PDE4D: variants seen among roughly 807,000 people sequenced by gnomAD.
PDE4D encodes the protein phosphodiesterase 4D, also known as 3',5'-cyclic-AMP phosphodiesterase 4D.
PDE4D carries 24 observed loss-of-function variants against 87.4 expected under a neutral mutation model. The ratio of observed to expected loss-of-function variants is 0.27; its 90% CI spans 0.20 to 0.39. The LOEUF is 0.39. PDE4D is among the 10% of genes least tolerant of loss of function. The pLI, the probability that PDE4D is intolerant of heterozygous loss-of-function variation, is 1.00. For missense variants in PDE4D, 714 were observed against 1,041.0 expected (o/e 0.69, Z 4.32); for synonymous variants, 384 against 383.2 (o/e 1.00, Z -0.02).
intron 2 of PDE4D, among the ~76,000 whole-genome samples, chr5:60,161,569 T>TCCCCTAGTGA (rs1303539282): frequency 1.3e-5 from 2 of 152,110 alleles, no homozygotes; most frequent in Admixed American, 6.6e-5. Flanking sequence ...AACAGTGATA[T>TCCCCTAGTGA]TCTGGATCCC....
chr5:59,471,764 T>TG (rs1802482771), intron 1 of PDE4D, among the ~76,000 whole-genome samples: 2 of 152,354 alleles, frequency 1.3e-5, no homozygotes, highest in African/African-American at 4.8e-5. Context: ...CTGTGGCCTT[T>TG]GTCTAGCAGC....
Position 59,224,122 on chromosome 5 carries a change from C to CAAAAA in PDE4D, c.456-8159_456-8155dup, listed in dbSNP as rs762239197. 2.7e-4 allele frequency among the ~76,000 whole-genome samples: 6 copies of CAAAAA among 21,840 alleles called. 1 individual carries two copies. The highest frequency in any genetic ancestry group is 7.9e-4 in the African/African-American group (6 of 7,604). The allele number at this position is 21,840 out of a possible 152,430, so 14.3% of individuals were successfully genotyped here. ...GCAACATGATGAAACCCTGTTTCTA[C>CAAAAA]AAAAAAAAAAAAAAAAAAAAAAAAA... On this transcript the variant is annotated intron_variant, in intron 1 of 14. Coordinates refer to ENST00000340635, the MANE Select transcript of PDE4D (RefSeq NM_001104631.2).
At chr5:60,331,142 G>A (rs1027392230) in intron 1 of PDE4D, among the ~76,000 whole-genome samples, 1 of 152,200 alleles carries the variant, frequency 6.6e-6, no homozygotes, top group Non-Finnish European at 1.5e-5. Context: ...CAAAGATACT[G>A]ATCACAGGCA....
rs1761840817 is a variant in PDE4D, at chr5:59,260,681, A to C, written c.456-44713T>G. On this transcript the variant is annotated intron_variant, in intron 1 of 14. Coordinates refer to ENST00000340635, the MANE Select transcript of PDE4D (RefSeq NM_001104631.2). ...AGGAAATTACTAACAATTTATAAGA[A>C]AGTCAAATCGTCAATATAACAGAAA... 2.0e-5 allele frequency among the ~76,000 whole-genome samples: 3 copies of C among 151,898 alleles called. No individual in the cohort carries two copies. The South Asian group carries it at 6.2e-4, about 32-fold the overall frequency.
intron 1 of PDE4D, among the ~76,000 whole-genome samples, chr5:59,671,538 C>A (rs995829453): frequency 6.6e-6 from 1 of 152,030 alleles, no homozygotes; most frequent in African/African-American, 2.4e-5. Flanking sequence ...CCAGGCATGA[C>A]GACTCACACC....
chr5:59,369,731 C>T (rs1783660448), intron 1 of PDE4D, among the ~76,000 whole-genome samples: 1 of 152,118 alleles, frequency 6.6e-6, no homozygotes, highest in South Asian at 2.1e-4. Context: ...TCTCAGCAGG[C>T]TCCTTTGTAC....
intron 1 of PDE4D, among the ~76,000 whole-genome samples, chr5:59,838,992 C>A (rs568319883): frequency 6.6e-6 from 1 of 151,892 alleles, no homozygotes; most frequent in African/African-American, 2.4e-5. Flanking sequence ...TCTAGAATAC[C>A]TGCTGATAGG....
chr5:59,462,524 T>C (rs1423802060), intron 1 of PDE4D, among the ~76,000 whole-genome samples: 1 of 152,178 alleles, frequency 6.6e-6, no homozygotes, highest in Non-Finnish European at 1.5e-5. Context: ...CAACCCCATA[T>C]TATCTTATGA....
chr5:59,841,096 T>C (rs960217183), intron 1 of PDE4D, among the ~76,000 whole-genome samples: 7 of 152,108 alleles, frequency 4.6e-5, no homozygotes, highest in Admixed American at 3.3e-4. Flanking sequence ...ATTTCCCTAG[T>C]TTCTCTTGCA....
At chr5:59,632,904 T>C (rs1831752879) in intron 1 of PDE4D, among the ~76,000 whole-genome samples, 1 of 152,066 alleles carries the variant, frequency 6.6e-6, no homozygotes, top group South Asian at 2.1e-4. Context: ...TTCACAGAAA[T>C]AGGCTTCAGA....
intron 1 of PDE4D, among the ~76,000 whole-genome samples, chr5:59,535,385 A>G (rs1815015624): frequency 6.6e-6 from 1 of 152,208 alleles, no homozygotes; most frequent in Admixed American, 6.5e-5. Context: ...ATGCTTGAAA[A>G]TATAAGTGAA....
At chr5:59,111,122 T>C (rs1220636902) in intron 5 of PDE4D, among the ~76,000 whole-genome samples, 1 of 152,202 alleles carries the variant, frequency 6.6e-6, no homozygotes, top group Admixed American at 6.5e-5. Context: ...TCTATCCATA[T>C]GCTGTGATAA....
At chr5:59,199,857 C>T (rs1289246840) in intron 2 of PDE4D, among the ~76,000 whole-genome samples, 3 of 151,602 alleles carry the variant, frequency 2.0e-5, no homozygotes, top group Non-Finnish European at 2.9e-5. Context: ...TATATACATA[C>T]ATGTACATAT....
At chr5:60,168,149 T>C (rs931257937) in intron 2 of PDE4D, among the ~76,000 whole-genome samples, 1 of 152,174 alleles carries the variant, frequency 6.6e-6, no homozygotes, top group African/African-American at 2.4e-5. Flanking sequence ...TGCAAACCAC[T>C]CTGGCTATAA....
intron 1 of PDE4D, among the ~76,000 whole-genome samples, chr5:59,315,815 C>T (rs903742630): frequency 6.6e-5 from 10 of 152,078 alleles, no homozygotes; most frequent in Admixed American, 2.6e-4. Flanking sequence ...CACCAAATGG[C>T]GCATGCAGCC....
chr5:60,205,754 C>T (rs970219073), intron 1 of PDE4D, among the ~76,000 whole-genome samples: 12 of 151,086 alleles, frequency 7.9e-5, no homozygotes, highest in African/African-American at 2.9e-4. Flanking sequence ...ATTAGCCAGG[C>T]GTGGTGATGT....
intron 1 of PDE4D, among the ~76,000 whole-genome samples, chr5:59,808,186 T>G (rs183046785): frequency 2.0e-3 from 305 of 152,350 alleles, no homozygotes; most frequent in Non-Finnish European, 3.6e-3. Flanking sequence ...CCCCATGGGC[T>G]TGTGGCTTCC....
chr5:60,292,455 A>G (rs1562294682), intron 1 of PDE4D, among the ~76,000 whole-genome samples: 2 of 152,210 alleles, frequency 1.3e-5, no homozygotes, highest in Admixed American at 1.3e-4. Context: ...CTCTGCCAAG[A>G]ATCTTTATTG....
intron 1 of PDE4D, among the ~76,000 whole-genome samples, chr5:60,437,806 T>C (rs1196415472): frequency 6.6e-6 from 1 of 152,156 alleles, no homozygotes; most frequent in African/African-American, 2.4e-5. Context: ...AACAAATTAA[T>C]AAAAGCTTAT....
Sources: allele counts gnomAD v4.1 joint callset (sites outside exome capture counted in the v4.1 genomes callset), GRCh38; gene constraint gnomAD v4.1.1; transcripts MANE v1.5; gene names NCBI Gene and HGNC (gene_info 2026-07-23, HGNC 2026-07-21).